The following GPC6 variants were observed in gnomAD, a reference collection of about 807,000 sequenced individuals.
GPC6 encodes glypican 6.
Under a neutral mutation model 55.2 loss-of-function variants are expected in GPC6, and 14 were observed. That is an observed-to-expected ratio of 0.25 (90% CI 0.17 to 0.40). The LOEUF is 0.40. Among genes scored for constraint, GPC6 ranks in the 10% least tolerant of loss-of-function variants. The probability of loss-of-function intolerance (pLI) is 1.00; values close to 1 mark genes in which losing one functional copy is unlikely to be tolerated. For missense variants in GPC6, 641 were observed against 708.5 expected, an observed-to-expected ratio of 0.90 and a Z score of 1.08; for synonymous variants, 278 against 259.6, an observed-to-expected ratio of 1.07 and a Z score of -0.68.
At chr13:93,580,188 A>T (rs1197216431) in intron 2 of GPC6, among the ~76,000 whole-genome samples, 1 of 152,140 alleles carries the variant, frequency 6.6e-6, no homozygotes, top group Non-Finnish European at 1.5e-5. Context: ...CCATCTTCTC[A>T]CTGTGACCTC....
Position 94,241,977 on chromosome 13 carries a change from G to T in GPC6, c.878-44372G>T, listed in dbSNP as rs868524322. Reference sequence around the variant, plus strand: ...GTACATGTGCACAACGTGCAGGTTTGTTACATATGTATACATGTGCCATGT... The same window carrying T: ...GTACATGTGCACAACGTGCAGGTTTTTTACATATGTATACATGTGCCATGT... On this transcript the variant is annotated intron_variant, in intron 4 of 8. Transcript: ENST00000377047. Among the ~76,000 whole-genome samples the T allele has an allele frequency of 2.5e-4, 38 of 151,726 alleles. No homozygotes were observed. The South Asian group carries it at 2.9e-3, about 12-fold the overall frequency.
intron 5 of GPC6, among the ~76,000 whole-genome samples, chr13:94,293,954 AGTT>A (rs1875158491): frequency 6.6e-6 from 1 of 152,166 alleles, no homozygotes; most frequent in Non-Finnish European, 1.5e-5. Flanking sequence ...TAAGAAATGT[AGTT>A]GTTAGTGCTT....
At chr13:94,154,735 G>C (rs1256006122) in intron 4 of GPC6, among the ~76,000 whole-genome samples, 1 of 152,080 alleles carries the variant, frequency 6.6e-6, no homozygotes, top group Admixed American at 6.6e-5. Flanking sequence ...GAAATAAAAG[G>C]GAAATTTTAA....
intron 2 of GPC6, among the ~76,000 whole-genome samples, chr13:93,783,008 G>A (rs903086182): frequency 6.6e-5 from 10 of 152,012 alleles, no homozygotes; most frequent in African/African-American, 9.7e-5. Context: ...AGTGTGTGTC[G>A]TTCCCACTGT....
chr13:93,463,027 T>A (rs1194375257), intron 1 of GPC6, among the ~76,000 whole-genome samples: 1 of 152,138 alleles, frequency 6.6e-6, no homozygotes, highest in Non-Finnish European at 1.5e-5. Context: ...ATTAGGACAA[T>A]CTTTTTTGTT....
intron 2 of GPC6, among the ~76,000 whole-genome samples, chr13:93,690,223 G>A (rs1467860190): frequency 6.6e-6 from 1 of 152,078 alleles, no homozygotes; most frequent in Non-Finnish European, 1.5e-5. Context: ...TGATGTGGAT[G>A]TTGATATATA....
chr13:93,475,169 C>CAT (rs1473745838), intron 1 of GPC6, among the ~76,000 whole-genome samples: 1 of 151,942 alleles, frequency 6.6e-6, no homozygotes, highest in African/African-American at 2.4e-5. Context: ...TACACACACA[C>CAT]ACACACACAC....
intron 4 of GPC6, among the ~76,000 whole-genome samples, chr13:94,041,627 G>T (rs115153445): frequency 6.6e-6 from 1 of 151,670 alleles, no homozygotes; most frequent in Non-Finnish European, 1.5e-5. Context: ...TTTTCTGGAC[G>T]ATCACTTAAA....
chr13:93,388,918 G>T (rs9561337), intron 1 of GPC6, among the ~76,000 whole-genome samples: 1 of 152,028 alleles, frequency 6.6e-6, no homozygotes, highest in Non-Finnish European at 1.5e-5. Context: ...AATGCACAGC[G>T]TTGCCATGGT....
At chr13:93,836,860 A>G (rs1373394461) in intron 3 of GPC6, among the ~76,000 whole-genome samples, 1 of 152,184 alleles carries the variant, frequency 6.6e-6, no homozygotes, top group African/African-American at 2.4e-5. Flanking sequence ...GCTAAGCACT[A>G]GAAATTACAA....
At chr13:93,912,560 G>T (rs190598544) in intron 3 of GPC6, among the ~76,000 whole-genome samples, 1 of 151,970 alleles carries the variant, frequency 6.6e-6, no homozygotes, top group Admixed American at 6.6e-5. Flanking sequence ...TGGCTAACAC[G>T]GTGAAACCCC....
At chr13:94,344,620 G>A (rs1346299539) in intron 6 of GPC6, among the ~76,000 whole-genome samples, 1 of 152,214 alleles carries the variant, frequency 6.6e-6, no homozygotes, top group Admixed American at 6.5e-5. Flanking sequence ...GGACATGTCT[G>A]CAGAGAATAT....
intron 1 of GPC6, among the ~76,000 whole-genome samples, chr13:93,264,398 A>G (rs1371670563): frequency 6.6e-6 from 1 of 152,076 alleles, no homozygotes; most frequent in Non-Finnish European, 1.5e-5. Context: ...TCTCCCATAT[A>G]CTTTATTTAT....
At chr13:93,955,006 C>T (rs1028226910) in intron 3 of GPC6, among the ~76,000 whole-genome samples, 21 of 152,118 alleles carry the variant, frequency 1.4e-4, no homozygotes, top group African/African-American at 4.8e-4. Flanking sequence ...GTGACATCTG[C>T]CCACTTTTGC....
At chr13:94,059,177 TACTC>T (rs894896861) in intron 4 of GPC6, among the ~76,000 whole-genome samples, 16 of 152,136 alleles carry the variant, frequency 1.1e-4, no homozygotes, top group African/African-American at 3.6e-4. Context: ...GTTGTTCACT[TACTC>T]ACACAAATAC....
intron 2 of GPC6, among the ~76,000 whole-genome samples, chr13:93,600,654 T>A (rs1566444156): frequency 1.3e-5 from 2 of 152,160 alleles, no homozygotes; most frequent in East Asian, 3.9e-4. Context: ...ACCTTCCTTT[T>A]TTTATTCATG....
intron 2 of GPC6, among the ~76,000 whole-genome samples, chr13:93,595,530 A>T (rs1877687345): frequency 6.6e-6 from 1 of 152,220 alleles, no homozygotes; most frequent in South Asian, 2.1e-4. Context: ...ACTATAGACC[A>T]GACAGAAGTT....
intron 1 of GPC6, among the ~76,000 whole-genome samples, chr13:93,519,741 T>C (rs1881336763): frequency 6.6e-6 from 1 of 151,908 alleles, no homozygotes; most frequent in South Asian, 2.1e-4. Flanking sequence ...TAGATGAGGC[T>C]CTTTCATGCC....
At chr13:94,324,469 T>G (rs2139133574) in intron 6 of GPC6, among the ~76,000 whole-genome samples, 1 of 152,270 alleles carries the variant, frequency 6.6e-6, no homozygotes, top group South Asian at 2.1e-4. Flanking sequence ...AGGGACAAGT[T>G]ACCAACTGTA....
Sources: gnomAD v4.1 joint callset for allele counts (sites outside exome capture counted in the v4.1 genomes callset) on GRCh38, gnomAD v4.1.1 for gene constraint, MANE v1.5 for transcripts, NCBI Gene and HGNC (gene_info 2026-07-23, HGNC 2026-07-21) for gene names.